The following TNFAIP8 variants were observed in gnomAD, a reference collection of about 807,000 sequenced individuals.
TNFAIP8 encodes TNF alpha induced protein 8.
Under a neutral mutation model 13.3 loss-of-function variants are expected in TNFAIP8, and 7 were observed. The ratio of observed to expected loss-of-function variants is 0.52; its 90% CI spans 0.30 to 0.99. The LOEUF is 0.99. TNFAIP8 is among the 50% of genes least tolerant of loss of function. The probability of loss-of-function intolerance (pLI) is 0.07; values close to 1 mark genes in which losing one functional copy is unlikely to be tolerated. For missense variants in TNFAIP8, 258 were observed against 236.9 expected (o/e 1.09, Z -0.58); for synonymous variants, 94 against 87.6 (o/e 1.07, Z -0.41).
intron 1 of TNFAIP8, among the ~76,000 whole-genome samples, chr5:119,350,507 A>G (rs547913226): frequency 6.6e-6 from 1 of 152,326 alleles, no homozygotes; most frequent in Non-Finnish European, 1.5e-5. Context: ...AATTGTTCAG[A>G]TAATATTTTC....
intron 1 of TNFAIP8, among the ~76,000 whole-genome samples, chr5:119,292,207 C>T (rs1287015455): frequency 6.6e-6 from 1 of 151,918 alleles, no homozygotes; most frequent in Non-Finnish European, 1.5e-5. Flanking sequence ...GGGAAGTTCC[C>T]TATTGCAGCT....
At chr5:119,317,382 A>G (rs963320894) in intron 1 of TNFAIP8, among the ~76,000 whole-genome samples, 1 of 152,128 alleles carries the variant, frequency 6.6e-6, no homozygotes, top group Non-Finnish European at 1.5e-5. Context: ...AAGTGATTAT[A>G]TAAGAAATTA....
intron 1 of TNFAIP8, among the ~76,000 whole-genome samples, chr5:119,269,503 T>G (rs1748208329): frequency 6.6e-6 from 1 of 152,166 alleles, no homozygotes; most frequent in Non-Finnish European, 1.5e-5. Flanking sequence ...CCTCAGCACC[T>G]GCTGCAAAGA....
At chr5:119,295,641 A>G (rs955952844) in intron 1 of TNFAIP8, among the ~76,000 whole-genome samples, 2 of 152,212 alleles carry the variant, frequency 1.3e-5, no homozygotes, top group Admixed American at 1.3e-4. Context: ...ATGAACTTTA[A>G]AGTAGTTTTT....
chr5:119,284,968 G>T (rs1424327070), intron 1 of TNFAIP8, among the ~76,000 whole-genome samples: 1 of 152,124 alleles, frequency 6.6e-6, no homozygotes, highest in African/African-American at 2.4e-5. Flanking sequence ...TAACGTTTTT[G>T]AATTTCTTAC....
intron 1 of TNFAIP8, among the ~76,000 whole-genome samples, chr5:119,322,440 C>G (rs756477972): frequency 2.0e-5 from 3 of 152,210 alleles, no homozygotes; most frequent in Non-Finnish European, 4.4e-5. Context: ...AGAACCTGCT[C>G]TCTTCTTGCT....
In TNFAIP8 at chr5:119,397,843, T is replaced by C. The variant is rs1288928192; in HGVS notation, c.*4462T>C. Reference sequence around the variant, plus strand: ...TTATGTATACCCAAAGCCAGAAAGATATTTTTATCTCAGGGAAATTCCAGA... The same window carrying C: ...TTATGTATACCCAAAGCCAGAAAGACATTTTTATCTCAGGGAAATTCCAGA... On this transcript the variant is annotated 3_prime_UTR_variant, in exon 2 of 2. Coordinates refer to ENST00000504771, the MANE Select transcript of TNFAIP8 (RefSeq NM_014350.4). 6.6e-6 allele frequency: 1 copy of C among 152,244 alleles called. No homozygotes were observed. 9.4% of individuals were successfully genotyped at this position (152,244 alleles called of 1,614,324 possible).
chr5:119,376,020 A>G (rs559373272), intron 1 of TNFAIP8, among the ~76,000 whole-genome samples: 116 of 152,284 alleles, frequency 7.6e-4, no homozygotes, highest in South Asian at 1.2e-3. Context: ...TTGGATGCCT[A>G]TCTTTAGTGA....
At chr5:119,273,108 C>T (rs1183051773) in intron 1 of TNFAIP8, among the ~76,000 whole-genome samples, 1 of 152,252 alleles carries the variant, frequency 6.6e-6, no homozygotes, top group African/African-American at 2.4e-5. Context: ...CAGCTCATGT[C>T]TCAGCCCCTG....
chr5:119,356,219 G>A (rs1169749207), intron 1 of TNFAIP8, 98 bp downstream of exon 1: 21 of 1,152,874 alleles, frequency 1.8e-5, no homozygotes, highest in Middle Eastern at 2.2e-4. Context: ...AGTGAGCGGT[G>A]GGCACTTTGT....
At chr5:119,305,536 A>G (rs1376683831) in intron 1 of TNFAIP8, among the ~76,000 whole-genome samples, 7 of 135,654 alleles carry the variant, frequency 5.2e-5, no homozygotes, top group African/African-American at 2.4e-4. Flanking sequence ...TCAAGGCTGT[A>G]GTGCACTTGA....
intron 1 of TNFAIP8, among the ~76,000 whole-genome samples, chr5:119,293,857 A>G (rs1307229864): frequency 6.6e-6 from 1 of 152,142 alleles, no homozygotes; most frequent in African/African-American, 2.4e-5. Context: ...TTTGAATAAT[A>G]AAAAGTTTTT....
In TNFAIP8 at chr5:119,392,917, G is replaced by A. The variant is rs755736608; in HGVS notation, c.133G>A (p.Asp45Asn). The A allele has an allele frequency of 7.5e-6, 12 of 1,602,758 alleles. No homozygotes were observed. Among genetic ancestry groups the A allele is most frequent in the East Asian group, 6.8e-5 (3 of 44,302 alleles). ...ATCCATCGCCACCACCTTAATAGAC[G>A]ACACAAGTAGTGAGGTGCTGGATGA... ...SKSIATTLIDDTSSEVLDELY... is the reference protein window; with the variant it reads ...SKSIATTLIDNTSSEVLDELY... The change falls in exon 2 of 2, where the codon GAC (aspartate) becomes AAC (asparagine). Residue 45 changes from aspartate to asparagine, a missense_variant. By Grantham distance (23) the Asp-to-Asn change is conservative. Coordinates refer to ENST00000504771, the MANE Select transcript of TNFAIP8 (RefSeq NM_014350.4).
intron 1 of TNFAIP8, among the ~76,000 whole-genome samples, chr5:119,277,203 G>A (rs1273986837): frequency 6.6e-6 from 1 of 152,104 alleles, no homozygotes; most frequent in Non-Finnish European, 1.5e-5. Context: ...AGATACGGGG[G>A]ACTACTGAGG....
chr5:119,365,081 A>G (rs1235228671), intron 1 of TNFAIP8, among the ~76,000 whole-genome samples: 2 of 151,754 alleles, frequency 1.3e-5, no homozygotes, highest in Admixed American at 6.6e-5. Flanking sequence ...CAAACTCCTG[A>G]CCTCAGGTGA....
chr5:119,367,795 T>G (rs912214687), intron 1 of TNFAIP8, among the ~76,000 whole-genome samples: 2 of 152,206 alleles, frequency 1.3e-5, no homozygotes, highest in African/African-American at 4.8e-5. Context: ...TTTCAACATG[T>G]CTGATGAGTG....
At chr5:119,385,534 A>G (rs1434053295) in intron 1 of TNFAIP8, among the ~76,000 whole-genome samples, 2 of 152,130 alleles carry the variant, frequency 1.3e-5, no homozygotes, top group Non-Finnish European at 2.9e-5. Flanking sequence ...TAGGCAGAAT[A>G]CCCCTATTTT....
chr5:119,350,212 G>A lies in TNFAIP8; in HGVS notation c.2-42604G>A, dbSNP rs190677053. 7.2e-5 allele frequency among the ~76,000 whole-genome samples: 11 copies of A among 152,168 alleles called. No individual in the cohort carries two copies. In the East Asian group the frequency reaches 1.9e-3, roughly 27 times the overall value. ...AACAGCAGATCAATAATATTCTGAG[G>A]GAAAAAAAATTCCACTAAGTTCCAA... On this transcript the variant is annotated intron_variant, in intron 1 of 1. Transcript: ENST00000274456.
chr5:119,281,578 G>A (rs1488885309), intron 1 of TNFAIP8, among the ~76,000 whole-genome samples: 1 of 152,060 alleles, frequency 6.6e-6, no homozygotes, highest in Non-Finnish European at 1.5e-5. Context: ...ACCATTACCA[G>A]CTATGATTAC....
Sources: gnomAD v4.1 joint callset for allele counts (sites outside exome capture counted in the v4.1 genomes callset) on GRCh38, gnomAD v4.1.1 for gene constraint, MANE v1.5 for transcripts, NCBI Gene and HGNC (gene_info 2026-07-23, HGNC 2026-07-21) for gene names.